ANO10: variants seen among roughly 807,000 people sequenced by gnomAD.
ANO10 encodes anoctamin 10.
In ANO10, 77 loss-of-function variants were observed where a neutral mutation model predicts 74.7. That is an observed-to-expected ratio of 1.03 (90% CI 0.86 to 1.25). The LOEUF (loss-of-function observed/expected upper bound fraction) is 1.25. Among genes scored for constraint, ANO10 ranks in the 50% most tolerant of loss-of-function variants. ANO10 has a pLI of 0.00. For missense variants in ANO10, 721 were observed against 778.1 expected, an observed-to-expected ratio of 0.93 and a Z score of 0.87; for synonymous variants, 279 against 284.9, an observed-to-expected ratio of 0.98 and a Z score of 0.21.
intron 11 of ANO10, among the ~76,000 whole-genome samples, chr3:43,502,391 G>C (rs1340168438): frequency 2.0e-5 from 3 of 152,048 alleles, no homozygotes; most frequent in Non-Finnish European, 4.4e-5. Flanking sequence ...GTGACTTCTC[G>C]CTCTATTAGT....
intron 12 of ANO10, among the ~76,000 whole-genome samples, chr3:43,422,121 T>C (rs9862259): frequency 0.46 from 70,499 of 151,966 alleles, 18,465 homozygotes; most frequent in East Asian, 0.77. Context: ...TTGTTGTTGC[T>C]ATTGTTGTTT....
chr3:43,471,000 A>C (rs569231121), intron 11 of ANO10, among the ~76,000 whole-genome samples: 47 of 152,294 alleles, frequency 3.1e-4, no homozygotes, highest in African/African-American at 1.0e-3. Flanking sequence ...TAAGTTTATA[A>C]ATTTATAAAT....
At chr3:43,438,720 C>T (rs564715626) in intron 11 of ANO10, among the ~76,000 whole-genome samples, 52 of 151,440 alleles carry the variant, frequency 3.4e-4, no homozygotes, top group African/African-American at 1.3e-3. Context: ...GCAATCCAGC[C>T]TGGGCAACAA....
intron 4 of ANO10, among the ~76,000 whole-genome samples, chr3:43,593,514 TC>T (rs1392312632): frequency 1.3e-5 from 2 of 152,170 alleles, no homozygotes; most frequent in African/African-American, 4.8e-5. Flanking sequence ...AAACTAAGCT[TC>T]ATAAGTGAAG....
At chr3:43,394,402 C>T (rs1455211170) in intron 12 of ANO10, among the ~76,000 whole-genome samples, 1 of 152,004 alleles carries the variant, frequency 6.6e-6, no homozygotes, top group Non-Finnish European at 1.5e-5. Context: ...TTTCTTTTTC[C>T]CTTGTGTCAA....
intron 5 of ANO10, among the ~76,000 whole-genome samples, chr3:43,578,814 G>A (rs1286503324): frequency 1.5e-5 from 2 of 136,448 alleles, no homozygotes; most frequent in African/African-American, 5.4e-5. Context: ...ACAAGTCCTA[G>A]AGGCAATATT....
intron 10 of ANO10, among the ~76,000 whole-genome samples, chr3:43,552,383 A>C (rs948490219): frequency 6.6e-6 from 1 of 152,110 alleles, no homozygotes; most frequent in Non-Finnish European, 1.5e-5. Flanking sequence ...CCTACAAAAA[A>C]TAAAAAAATA....
At position 43,366,726 on chromosome 3, in the gene ANO10, C is replaced by T. The variant is rs529595858; in HGVS notation, c.*180G>A. 6.8e-5 allele frequency: 46 copies of T among 673,082 alleles called. No homozygotes were observed. In the Admixed American group the frequency reaches 8.1e-4, roughly 12 times the overall value. 41.7% of individuals were successfully genotyped at this position (673,082 alleles called of 1,614,324 possible). A position where few individuals can be genotyped will look rare whatever the true frequency, so the allele number is the denominator to read the frequency against. On this transcript the variant is annotated 3_prime_UTR_variant, in exon 13 of 13. Coordinates refer to ENST00000292246, the MANE Select transcript of ANO10 (RefSeq NM_018075.5). ...GGGCTGGGGGAACTGCCAAGGATCC[C>T]GAGCCAAGCCACTGCGAAACTGAGA...
At chr3:43,576,352 T>G (rs2149400475) in intron 6 of ANO10, among the ~76,000 whole-genome samples, 1 of 152,362 alleles carries the variant, frequency 6.6e-6, no homozygotes, top group Middle Eastern at 3.4e-3. Flanking sequence ...CACTATTTGC[T>G]GTCTGAACCT....
At chr3:43,552,659 C>T (rs1477549962) in intron 10 of ANO10, among the ~76,000 whole-genome samples, 2 of 147,116 alleles carry the variant, frequency 1.4e-5, no homozygotes, top group African/African-American at 5.0e-5. Context: ...CTGAAAGTGT[C>T]TTGCTTTTTC....
At chr3:43,512,305 C>T (rs2077539772) in intron 11 of ANO10, among the ~76,000 whole-genome samples, 1 of 152,184 alleles carries the variant, frequency 6.6e-6, no homozygotes, top group Non-Finnish European at 1.5e-5. Context: ...AGGGACCAGT[C>T]AGACATGAGA....
chr3:43,590,662 A>C (rs2081695570), intron 4 of ANO10, among the ~76,000 whole-genome samples: 2 of 152,222 alleles, frequency 1.3e-5, no homozygotes, highest in South Asian at 4.1e-4. Flanking sequence ...GAAAAGAGAA[A>C]CTATTCTATA....
chr3:43,452,942 AT>A (rs2074944341), intron 11 of ANO10, among the ~76,000 whole-genome samples: 1 of 152,204 alleles, frequency 6.6e-6, no homozygotes, highest in Non-Finnish European at 1.5e-5. Flanking sequence ...AATGATGTAA[AT>A]ATCTTTCCAT....
chr3:43,591,001 T>C (rs977940811), intron 4 of ANO10, among the ~76,000 whole-genome samples: 1 of 152,252 alleles, frequency 6.6e-6, no homozygotes, highest in Non-Finnish European at 1.5e-5. Flanking sequence ...TCAAATCATC[T>C]GTCGCCTGAG....
At chr3:43,622,513 T>C (rs2083442639), upstream of ANO10, among the ~76,000 whole-genome samples, 1 of 152,222 alleles carries the variant, frequency 6.6e-6, no homozygotes, top group South Asian at 2.1e-4. Context: ...AGAACAAGTC[T>C]CATTTTAACT....
chr3:43,676,961 CTACAG>C (rs1173520460), intron 1 of ANO10, among the ~76,000 whole-genome samples: 1 of 152,038 alleles, frequency 6.6e-6, no homozygotes, highest in Non-Finnish European at 1.5e-5. Context: ...AATTAACAAA[CTACAG>C]TACAACAGCT....
At chr3:43,534,026 C>G (rs748764613) in intron 11 of ANO10, among the ~76,000 whole-genome samples, 1 of 152,328 alleles carries the variant, frequency 6.6e-6, no homozygotes, top group Non-Finnish European at 1.5e-5. Flanking sequence ...AGAAACCAAT[C>G]ACACTGGCTG....
intron 11 of ANO10, among the ~76,000 whole-genome samples, chr3:43,515,230 G>A (rs947201119): frequency 4.6e-5 from 7 of 152,212 alleles, no homozygotes; most frequent in African/African-American, 1.7e-4. Context: ...CTATGAGGGT[G>A]TTGCTGGATG....
intron 12 of ANO10, among the ~76,000 whole-genome samples, chr3:43,391,764 T>C (rs1379863705): frequency 6.6e-6 from 1 of 152,144 alleles, no homozygotes; most frequent in African/African-American, 2.4e-5. Context: ...AGCCTGGAAA[T>C]GGATCCTCCC....
Sources: gnomAD v4.1 joint callset for allele counts (sites outside exome capture counted in the v4.1 genomes callset) on GRCh38, gnomAD v4.1.1 for gene constraint, MANE v1.5 for transcripts, NCBI Gene and HGNC (gene_info 2026-07-23, HGNC 2026-07-21) for gene names.